Variants in APOB observed in about 807,000 individuals in gnomAD.
The protein encoded by APOB is apolipoprotein B.
In APOB, 153 loss-of-function variants were observed where a neutral mutation model predicts 314.1. That is an observed-to-expected ratio of 0.49 (90% confidence interval 0.43 to 0.56). The LOEUF (loss-of-function observed/expected upper bound fraction) is 0.56, where lower values mean the gene tolerates loss of function less well. Ranked by LOEUF, APOB falls within the 20% of genes least tolerant of loss-of-function variation. APOB has a pLI of 0.00. For missense variants in APOB, 5,430 were observed against 5,350.7 expected (o/e 1.01, Z -0.46); for synonymous variants, 2,087 against 2,036.4 (o/e 1.02, Z -0.67).
chr2:21,026,057 G>A (rs1663724840), intron 15 of APOB, among the ~76,000 whole-genome samples: 1 of 152,160 alleles, frequency 6.6e-6, no homozygotes, highest in South Asian at 2.1e-4. Context: ...AACAACCAAT[G>A]CCAGCATCAG....
rs1221150724 is a variant in APOB, at chr2:21,007,824, G to C, written c.9044C>G (p.Ala3015Gly). 2 of 1,613,964 alleles carry C rather than the reference G, an allele frequency of 1.2e-6. No homozygotes were observed. The highest frequency in any genetic ancestry group is 4.5e-5 in the East Asian group (2 of 44,894). ...KGMALFGEGK[A>G]EFTGRHDAHL... ...AGCATCATGCCTCCCAGTAAACTCTGCCTTCCCTTCTCCAAACAGTGCCAT... is the reference window on the plus strand; with the variant it reads ...AGCATCATGCCTCCCAGTAAACTCTCCCTTCCCTTCTCCAAACAGTGCCAT... Residue 3015 changes from alanine (A) to glycine (G), a missense_variant, in exon 26 of 29, where the codon GCA becomes GGA. By Grantham distance (60) the Ala-to-Gly change is moderately conservative. Around this residue, in one of 3 missense-constraint regions of APOB, gnomAD observed 3,281 missense variants for 3,171.0 expected, o/e 1.03. Coordinates refer to ENST00000233242, the MANE Select transcript of APOB (RefSeq NM_000384.3).
Position 21,012,124 on chromosome 2 carries a change from C to T in APOB, c.4744G>A (p.Ala1582Thr). ...GTCATATCCATCTTGTTAGAAGTGG[C>T]AAAGTTCTTATACTTCCCATTGGTG... The part of the protein sequence containing the change: ...SDTNGKYKNF[A>T]TSNKMDMTFS... Residue 1582 changes from alanine (A) to threonine (T), a missense_variant, in exon 26 of 29, where the codon GCC becomes ACC. This residue lies in a region of APOB where 2,085 missense variants were observed against 2,079.7 expected (regional missense o/e 1.00). Transcript: ENST00000233242. 6.2e-7 allele frequency: 1 copy of T among 1,608,498 alleles called. No individual in the cohort carries two copies. Among genetic ancestry groups the T allele is most frequent in the South Asian group, 1.1e-5 (1 of 90,232 alleles).
In APOB at chr2:21,035,173, C is replaced by T. The variant is rs563525668; in HGVS notation, c.819-272G>A. Among the ~76,000 whole-genome samples, 317 of 152,324 alleles carry T rather than the reference C, an allele frequency of 2.1e-3. 5 individuals are homozygous for T. Among genetic ancestry groups the T allele is most frequent in the Non-Finnish European group, 6.3e-4 (43 of 68,040 alleles). ...CTAGTGCAATGTCTCAAAATTCTTTCGTATCTTCCACAACATAGAGCCAAG... is the reference window on the plus strand; with the variant it reads ...CTAGTGCAATGTCTCAAAATTCTTTTGTATCTTCCACAACATAGAGCCAAG... On this transcript the variant is annotated intron_variant, in intron 7 of 28. Coordinates refer to ENST00000233242, the MANE Select transcript of APOB (RefSeq NM_000384.3).
intron 1 of APOB, 30 bp downstream of exon 1, chr2:21,043,834 T>C: frequency 6.5e-7 from 1 of 1,533,032 alleles, no homozygotes; most frequent in Admixed American, 1.9e-5. Context: ...TCCCGCTCCC[T>C]CTGCGCCCGC....
rs1414210865 is a variant in APOB at position 21,004,751 on chromosome 2, G to T, written c.11789-76C>A. Reference sequence around the variant, plus strand: ...GATGTTTTCATTGTGAAAACTGGGAGAATTCTATCCTAACCAGATATTTCA... The same window carrying T: ...GATGTTTTCATTGTGAAAACTGGGATAATTCTATCCTAACCAGATATTTCA... On this transcript the variant is annotated intron_variant, in intron 26 of 28. Coordinates refer to ENST00000233242, the MANE Select transcript of APOB (RefSeq NM_000384.3). 5.4e-6 allele frequency: 6 copies of T among 1,116,384 alleles called. No individual in the cohort carries two copies. In the East Asian group the frequency reaches 1.4e-4, roughly 26 times the overall value. The allele number at this position is 1,116,384 out of a possible 1,614,324, so 69.2% of individuals were successfully genotyped here. A position where few individuals can be genotyped will look rare whatever the true frequency, so the allele number is the denominator to read the frequency against.
Position 21,034,858 on chromosome 2 carries a change from G to A in APOB, c.862C>T (p.Leu288Phe), listed in dbSNP as rs1558574966. The change falls in exon 8 of 29, where the codon CTT becomes TTT. Residue 288 changes from leucine to phenylalanine, a missense_variant. Around this residue, in one of 3 missense-constraint regions of APOB, gnomAD observed 2,085 missense variants for 2,079.7 expected, o/e 1.00. Transcript: ENST00000233242. Reference protein sequence around the residue: ...MVAQVTQTLKLEDTPKINSRF... With the variant: ...MVAQVTQTLKFEDTPKINSRF... ...CTGTTGATCTTTGGTGTGTCTTCAA[G>A]TTTCAAAGTCTGTGTCACTTGTGCT... 1 of 1,606,656 alleles carries A rather than the reference G, an allele frequency of 6.2e-7. No individual in the cohort carries two copies. Among genetic ancestry groups the A allele is most frequent in the East Asian group, 2.2e-5 (1 of 44,844 alleles).
chr2:21,026,924 G>A lies in APOB; in HGVS notation c.2108C>T (p.Ala703Val). The stretch of plus-strand genomic sequence containing the variant: ...GAAAAATCCTTGCTTCCCAAAAAGA[G>A]CTTCCAATGTTGGCTCAAAGCCTTT... Reference protein sequence around the residue: ...EGKGFEPTLEALFGKQGFFPD... With the variant: ...EGKGFEPTLEVLFGKQGFFPD... Residue 703 changes from alanine (A) to valine (V), a missense_variant, in exon 15 of 29, where the codon GCT becomes GTT. This residue lies in a region of APOB where 2,085 missense variants were observed against 2,079.7 expected (regional missense o/e 1.00). Transcript: ENST00000233242. 1 of 1,614,196 alleles carries A rather than the reference G, an allele frequency of 6.2e-7. No homozygotes were observed. Among genetic ancestry groups the A allele is most frequent in the Non-Finnish European group, 8.5e-7 (1 of 1,180,046 alleles).
chr2:21,036,731 T>C lies in APOB; in HGVS notation c.693+369A>G, dbSNP rs144506672. ...GCTTGGAGCTGGCACAAGGAGTCCT[T>C]GTGCAGAAAAGAACAGAAGGTGGTT... On this transcript the variant is annotated intron_variant, in intron 6 of 28. Transcript: ENST00000233242. Among the ~76,000 whole-genome samples, 166 of 152,258 alleles carry C rather than the reference T, an allele frequency of 1.1e-3. 1 individual carries two copies. The highest frequency in any genetic ancestry group is 3.6e-3 in the African/African-American group (148 of 41,548).
In APOB at chr2:21,016,447, G is replaced by T; in HGVS notation, c.3324C>A (p.Gly1108=). The change falls in exon 21 of 29, where the codon GGC becomes GGA. Residue 1108 remains glycine, a synonymous_variant. Coordinates refer to ENST00000233242, the MANE Select transcript of APOB (RefSeq NM_000384.3). ...NKKITEVALM[G]HLSCDTKEER... ...CCCTCGGCCTTCTTTACCTTAGGTG[G>T]CCCATGAGGGCGACCTCAGTAATTT... 6.3e-7 allele frequency: 1 copy of T among 1,591,334 alleles called. No individual in the cohort carries two copies. Among genetic ancestry groups the T allele is most frequent in the Non-Finnish European group, 8.6e-7 (1 of 1,159,424 alleles).
At position 21,006,983 on chromosome 2, in the gene APOB, G is replaced by A; in HGVS notation, c.9885C>T (p.Tyr3295=). 1 of 1,614,048 alleles carries A rather than the reference G, an allele frequency of 6.2e-7. No homozygotes were observed. The highest frequency in any genetic ancestry group is 8.5e-7 in the Non-Finnish European group (1 of 1,179,942). ...GCTCTAATGATGGCAGGATTAATGT[G>A]TATGAAGGCACACGGACGTCAGAAC... The part of the protein sequence containing the change: ...ILGSDVRVPS[Y]TLILPSLELP... Residue 3295 remains tyrosine, a synonymous_variant, in exon 26 of 29, where the codon TAC becomes TAT. Transcript: ENST00000233242.
Position 21,004,410 on chromosome 2 carries a change from C to G in APOB, c.11946G>C (p.Ala3982=). 1 of 1,613,936 alleles carries G rather than the reference C, an allele frequency of 6.2e-7. No individual in the cohort carries two copies. Among genetic ancestry groups the G allele is most frequent in the East Asian group, 2.2e-5 (1 of 44,866 alleles). ...GGTAGCGCAGATGGAGATCGGTGAA[C>G]GCTGGGCTTTTGATATTGAGGTGCG... ...GKAHLNIKSP[A]FTDLHLRYQK... The change falls in exon 28 of 29, where the codon GCG becomes GCC. Residue 3982 remains alanine, a synonymous_variant. Transcript: ENST00000233242.
chr2:21,015,983 C>G (rs1480785655), intron 21 of APOB, among the ~76,000 whole-genome samples: 1 of 152,154 alleles, frequency 6.6e-6, no homozygotes, highest in African/African-American at 2.4e-5. Flanking sequence ...TGGACATGCG[C>G]AGAGGGTTAA....
chr2:21,028,354 A>G lies in APOB; in HGVS notation c.1802T>C (p.Leu601Ser), dbSNP rs1558572347. ...TTGGATATCCAATTCTTCTGAGTTC[A>G]AGATATTGGCAATATGGGAAGCCAC... ...NFVASHIANILNSEELDIQDL... is the reference protein window; with the variant it reads ...NFVASHIANISNSEELDIQDL... The change falls in exon 13 of 29, where the codon TTG becomes TCG. Residue 601 changes from leucine to serine, a missense_variant. Leu to Ser is a moderately radical substitution (Grantham distance 145, BLOSUM62 -2). Coordinates refer to ENST00000233242, the MANE Select transcript of APOB (RefSeq NM_000384.3). 2 of 1,613,966 alleles carry G rather than the reference A, an allele frequency of 1.2e-6. No individual in the cohort carries two copies. Among genetic ancestry groups the G allele is most frequent in the Non-Finnish European group, 1.7e-6 (2 of 1,179,816 alleles).
intron 28 of APOB, 108 bp from the exon 29 acceptor site, chr2:21,003,442 C>A: frequency 1.0e-6 from 1 of 985,412 alleles, no homozygotes. Context: ...GAGAATCTTT[C>A]ATATACTGAA....
Position 21,029,759 on chromosome 2 carries a change from C to T in APOB, c.1497G>A (p.Met499Ile), listed in dbSNP as rs1663829713. Residue 499 changes from methionine (M) to isoleucine (I), a missense_variant, in exon 12 of 29, where the codon ATG becomes ATA. Physicochemically the swap from Met to Ile is conservative, Grantham distance 10. Coordinates refer to ENST00000233242, the MANE Select transcript of APOB (RefSeq NM_000384.3). ...LRVIGNMGQT[M>I]EQLTPELKSS... ...ACTTGAGTTCTGGAGTTAACTGCTCCATGGTTTGGCCCATATTTCCAATGA... is the reference window on the plus strand; with the variant it reads ...ACTTGAGTTCTGGAGTTAACTGCTCTATGGTTTGGCCCATATTTCCAATGA... 1 of 1,614,166 alleles carries T rather than the reference C, an allele frequency of 6.2e-7. No homozygotes were observed. Among genetic ancestry groups the T allele is most frequent in the Non-Finnish European group, 8.5e-7 (1 of 1,180,038 alleles).
Position 21,002,117 on chromosome 2 carries a change from T to C in APOB, c.13305A>G (p.Gln4435=), listed in dbSNP as rs1260467447. ...GAAATTGCTCAACTTGACTTGAGAG[T>C]TGGGAAGTAAAGTTAGAGGCACTGA... is the stretch of plus-strand genomic sequence containing the variant. ...YIVSASNFTS[Q]LSSQVEQFLH... The change falls in exon 29 of 29, where the codon CAA becomes CAG. Residue 4435 remains glutamine (Q), a synonymous_variant. Coordinates refer to ENST00000233242, the MANE Select transcript of APOB (RefSeq NM_000384.3). The C allele has an allele frequency of 6.2e-7, 1 of 1,613,824 alleles. No homozygotes were observed. Among genetic ancestry groups the C allele is most frequent in the African/African-American group, 1.3e-5 (1 of 74,906 alleles).
intron 15 of APOB, 139 bp downstream of exon 15, chr2:21,026,649 C>T: frequency 1.3e-6 from 1 of 746,972 alleles, no homozygotes; most frequent in Non-Finnish European, 2.4e-6. Context: ...CTGGCCCTTA[C>T]CCCAGCAGGT....
Position 21,029,973 on chromosome 2 carries a change from G to A in APOB, c.1395C>T (p.Asp465=), listed in dbSNP as rs757609661. 4.3e-6 allele frequency: 7 copies of A among 1,613,850 alleles called. No individual in the cohort carries two copies. In the African/African-American group the frequency reaches 6.7e-5, roughly 15 times the overall value. Residue 465 remains aspartate, a synonymous_variant, in exon 11 of 29, where the codon GAC becomes GAT. Coordinates refer to ENST00000233242, the MANE Select transcript of APOB (RefSeq NM_000384.3). ...TCTGTTCCATCAGGTAATTAGCAAT[G>A]TCCAGCAGCTCCTGGGTCCCTGTAG... is the stretch of plus-strand genomic sequence containing the variant. ...TNPTGTQELL[D]IANYLMEQIQ... is the part of the protein sequence containing the mutation.
intron 16 of APOB, 173 bp from the exon 17 acceptor site, chr2:21,023,865 C>T (rs528678661): frequency 5.2e-5 from 28 of 541,584 alleles, no homozygotes; most frequent in African/African-American, 4.3e-4. Flanking sequence ...ATGTTTTTAC[C>T]GTTTTCAGTG....
Sources: allele counts gnomAD v4.1 joint callset (sites outside exome capture counted in the v4.1 genomes callset), GRCh38; gene constraint gnomAD v4.1.1; regional missense constraint gnomAD v4.1.1; transcripts MANE v1.5; gene names NCBI Gene and HGNC (gene_info 2026-07-23, HGNC 2026-07-21).